Variants in BTAF1 observed in about 807,000 individuals in gnomAD.
BTAF1 encodes TATA-binding protein-associated factor 172.
BTAF1 carries 38 observed loss-of-function variants against 227.1 expected under a neutral mutation model. The ratio of observed to expected loss-of-function variants is 0.17; its 90% CI spans 0.13 to 0.22. The LOEUF (loss-of-function observed/expected upper bound fraction) is 0.22, where lower values mean the gene tolerates loss of function less well. BTAF1 is among the 10% of genes least tolerant of loss of function. The pLI, the probability that BTAF1 is intolerant of heterozygous loss-of-function variation, is 1.00. For synonymous variants in BTAF1, 742 were observed against 751.9 expected (o/e 0.99, Z 0.21); for missense variants, 1,598 against 2,204.0 (o/e 0.73, Z 5.51).
intron 25 of BTAF1, among the ~76,000 whole-genome samples, chr10:92,004,806 A>T (rs1164799123): frequency 6.6e-6 from 1 of 152,188 alleles, no homozygotes; most frequent in Non-Finnish European, 1.5e-5. Flanking sequence ...TTTTGGAGTC[A>T]TATCCAAAAA....
chr10:91,999,717 G>T (rs892078832), intron 25 of BTAF1, among the ~76,000 whole-genome samples: 2 of 152,124 alleles, frequency 1.3e-5, no homozygotes, highest in African/African-American at 4.8e-5. Flanking sequence ...ATTTATAGTA[G>T]TCTGAAACTG....
rs564597136 is a variant in BTAF1 at position 92,011,161 on chromosome 10, AT to A, written c.4181+21del. 8,008 of 1,462,328 alleles carry A rather than the reference AT, an allele frequency of 5.5e-3. 22 individuals carry two copies. The highest frequency in any genetic ancestry group is 0.014 in the Middle Eastern group (74 of 5,170). The allele number at this position is 1,462,328 out of a possible 1,614,324, so 90.6% of individuals were successfully genotyped here. A position where few individuals can be genotyped will look rare whatever the true frequency, so the allele number is the denominator to read the frequency against. On this transcript the variant is annotated intron_variant, in intron 29 of 37. Coordinates refer to ENST00000265990, the MANE Select transcript of BTAF1 (RefSeq NM_003972.3). ...CATAGATTTCTTTAGGTAAGAATTA[AT>A]TTTTTTTTTAGAAAAATTAATATCA...
chr10:91,989,667 C>A lies in BTAF1; in HGVS notation c.2854+87C>A, dbSNP rs1589891122. ...TTATGGGTATAATTTAAGCACAAATCCAGTTCATGTTAGTGTTTTTTCCCA... is the reference window on the plus strand; with the variant it reads ...TTATGGGTATAATTTAAGCACAAATACAGTTCATGTTAGTGTTTTTTCCCA... On this transcript the variant is annotated intron_variant, in intron 20 of 37. Transcript: ENST00000265990. 9 of 1,242,806 alleles carry A rather than the reference C, an allele frequency of 7.2e-6. No homozygotes were observed. The Admixed American group carries it at 2.2e-4, about 31-fold the overall frequency. The allele number at this position is 1,242,806 out of a possible 1,614,324, so 77.0% of individuals were successfully genotyped here. A position where few individuals can be genotyped will look rare whatever the true frequency, so the allele number is the denominator to read the frequency against.
chr10:91,950,159 G>GC (rs1845665636), intron 4 of BTAF1, among the ~76,000 whole-genome samples: 2 of 16,138 alleles, frequency 1.2e-4, no homozygotes, highest in African/African-American at 4.1e-4. Flanking sequence ...GGGGGGGGGC[G>GC]GGAAAGAAGA....
In BTAF1 at chr10:91,993,694, G is replaced by A. The variant is rs1027715131; in HGVS notation, c.3046G>A (p.Ala1016Thr). The A allele has an allele frequency of 6.8e-7, 1 of 1,478,550 alleles. No individual in the cohort carries two copies. 91.6% of individuals were successfully genotyped at this position (1,478,550 alleles called of 1,614,324 possible). A position where few individuals can be genotyped will look rare whatever the true frequency, so the allele number is the denominator to read the frequency against. The change falls in exon 22 of 38, where the codon GCC becomes ACC. Residue 1016 changes from alanine to threonine, a missense_variant and splice_region_variant. By Grantham distance (58) the Ala-to-Thr change is moderately conservative (BLOSUM62 0). Around this residue, in one of 10 missense-constraint regions of BTAF1, gnomAD observed 425 missense variants for 491.2 expected, o/e 0.87. Coordinates refer to ENST00000265990, the MANE Select transcript of BTAF1 (RefSeq NM_003972.3). ...TTTTTATCTAACATTTAATTTTAAGGCCCAGAAGCCTTACCTGGTACAACG... is the reference window on the plus strand; with the variant it reads ...TTTTTATCTAACATTTAATTTTAAGACCCAGAAGCCTTACCTGGTACAACG... ...SGNILVELDE[A>T]QKPYLVQRRG...
At chr10:91,973,595 T>C (rs1298464085) in intron 14 of BTAF1, among the ~76,000 whole-genome samples, 2 of 152,108 alleles carry the variant, frequency 1.3e-5, no homozygotes, top group South Asian at 2.1e-4. Flanking sequence ...ATGAGAGAAC[T>C]GATAATCAAA....
intron 16 of BTAF1, 90 bp from the exon 17 acceptor site, chr10:91,981,993 G>A (rs775400238): frequency 2.3e-4 from 334 of 1,437,854 alleles, no homozygotes; most frequent in Non-Finnish European, 2.3e-4. Flanking sequence ...GTATTTTACT[G>A]GGATTATTTT....
At position 91,954,528 on chromosome 10, in the gene BTAF1, G is replaced by C. The variant is rs144378734; in HGVS notation, c.701+655G>C. Among the ~76,000 whole-genome samples, 9 of 151,540 alleles carry C rather than the reference G, an allele frequency of 5.9e-5. No homozygotes were observed. In the East Asian group the frequency reaches 1.7e-3, roughly 29 times the overall value. Reference sequence around the variant, plus strand: ...AAACTATTTCCTTCAGGTGCTCTTCGAGGACCTTGTAAAAAAAAAATGCTG... The same window carrying C: ...AAACTATTTCCTTCAGGTGCTCTTCCAGGACCTTGTAAAAAAAAAATGCTG... On this transcript the variant is annotated intron_variant, in intron 6 of 37. Coordinates refer to ENST00000265990, the MANE Select transcript of BTAF1 (RefSeq NM_003972.3).
chr10:91,933,289 G>A (rs762808935), intron 1 of BTAF1, among the ~76,000 whole-genome samples: 18 of 152,202 alleles, frequency 1.2e-4, no homozygotes, highest in Non-Finnish European at 2.2e-4. Context: ...ATTCGGGGGC[G>A]TTTTAGGAAG....
rs746710558 is a variant in BTAF1, at chr10:91,997,692, A to G, written c.3601A>G (p.Ser1201Gly). ...AGGAAGAATGAGTGATCAGACAGAC[A>G]GTGTGAGATTCATGGCCACGCAGTG... ...VLGRMSDQTD[S>G]VRFMATQCFA... is the part of the protein sequence containing the mutation. Residue 1201 changes from serine (S) to glycine (G), a missense_variant, in exon 25 of 38, where the codon AGT becomes GGT. Physicochemically the swap from Ser to Gly is moderately conservative, Grantham distance 56. Transcript: ENST00000265990. 1.7e-5 allele frequency: 28 copies of G among 1,614,098 alleles called. No homozygotes were observed. Among genetic ancestry groups the G allele is most frequent in the Non-Finnish European group, 2.3e-5 (27 of 1,179,990 alleles).
At chr10:91,950,567 TTC>T (rs1033965132) in intron 4 of BTAF1, among the ~76,000 whole-genome samples, 12 of 152,264 alleles carry the variant, frequency 7.9e-5, no homozygotes, top group Middle Eastern at 3.4e-3. Context: ...CTTTGGTATG[TTC>T]TGTTTTGTCT....
In BTAF1 at chr10:91,980,314, T is replaced by C; in HGVS notation, c.1651-140T>C. On this transcript the variant is annotated intron_variant, in intron 14 of 37. Coordinates refer to ENST00000265990, the MANE Select transcript of BTAF1 (RefSeq NM_003972.3). ...TTGTTGCCTCAAAATCTTGTCAAAG[T>C]TTATCACCTGTTTAGCCTTTTTAAT... 6 of 598,572 alleles carry C rather than the reference T, an allele frequency of 1.0e-5. No individual in the cohort carries two copies. In the South Asian group the frequency reaches 1.4e-4, roughly 14 times the overall value. 37.1% of individuals were successfully genotyped at this position (598,572 alleles called of 1,614,324 possible).
At chr10:92,014,291 C>T (rs956738918) in intron 32 of BTAF1, among the ~76,000 whole-genome samples, 2 of 152,042 alleles carry the variant, frequency 1.3e-5, no homozygotes, top group Non-Finnish European at 2.9e-5. Flanking sequence ...TGCAGGAGCA[C>T]AGTCATGGCT....
At chr10:92,013,552 T>TA in intron 30 of BTAF1, 115 bp from the exon 31 acceptor site, 1 of 1,342,972 alleles carries the variant, frequency 7.4e-7, no homozygotes, top group Non-Finnish European at 1.0e-6. Flanking sequence ...TGTCTAAAAA[T>TA]ATAGTGATAA....
Position 92,011,073 on chromosome 10 carries a change from G to T in BTAF1, c.4104G>T (p.Arg1368Ser), listed in dbSNP as rs1850260852. The change falls in exon 29 of 38, where the codon AGG becomes AGT. Residue 1368 changes from arginine to serine, a missense_variant and splice_region_variant. By Grantham distance (110) the Arg-to-Ser change is moderately radical. Coordinates refer to ENST00000265990, the MANE Select transcript of BTAF1 (RefSeq NM_003972.3). ...TAATTTTATTCATTTCTAAATAAAG[G>T]TTACAGCACCAAGTAAAAAGGCACA... is the stretch of plus-strand genomic sequence containing the variant. ...HYTGPPTERI[R>S]LQHQVKRHNL... 1.3e-6 allele frequency: 2 copies of T among 1,597,838 alleles called. No individual in the cohort carries two copies. Among genetic ancestry groups the T allele is most frequent in the African/African-American group, 1.3e-5 (1 of 74,222 alleles).
intron 20 of BTAF1, among the ~76,000 whole-genome samples, chr10:91,990,244 G>C (rs895090678): frequency 6.6e-6 from 1 of 152,152 alleles, no homozygotes; most frequent in Non-Finnish European, 1.5e-5. Flanking sequence ...TACAGCTTTG[G>C]TGCAGCATAG....
Position 92,024,943 on chromosome 10 carries a change from G to T in BTAF1, c.5051G>T (p.Gly1684Val). The change falls in exon 35 of 38, where the codon GGT (glycine) becomes GTT (valine). Residue 1684 changes from glycine (G) to valine (V), a missense_variant. Physicochemically the swap from Gly to Val is moderately radical, Grantham distance 109 (BLOSUM62 -3). Transcript: ENST00000265990. ...YLRLDGSIPP[G>V]QRHSIVSRFN... Reference sequence around the variant, plus strand: ...AGATTAGATGGCAGCATACCTCCTGGTCAGAGGCATTCCATTGTTTCCCGG... The same window carrying T: ...AGATTAGATGGCAGCATACCTCCTGTTCAGAGGCATTCCATTGTTTCCCGG... The T allele has an allele frequency of 6.2e-7, 1 of 1,613,928 alleles. No individual in the cohort carries two copies. The highest frequency in any genetic ancestry group is 8.5e-7 in the Non-Finnish European group (1 of 1,179,970).
chr10:91,981,216 T>C (rs76954265), intron 15 of BTAF1, among the ~76,000 whole-genome samples: 9,852 of 152,242 alleles, frequency 0.065, 440 homozygotes, highest in South Asian at 0.11. Flanking sequence ...TCAAAACTTA[T>C]ACTGTTTTAA....
At chr10:92,001,627 C>T (rs1321313212) in intron 25 of BTAF1, among the ~76,000 whole-genome samples, 1 of 151,586 alleles carries the variant, frequency 6.6e-6, no homozygotes, top group Non-Finnish European at 1.5e-5. Flanking sequence ...CTAAATAGTT[C>T]CCAGAAAAAA....
Sources: gnomAD v4.1 joint callset for allele counts (sites outside exome capture counted in the v4.1 genomes callset) on GRCh38, gnomAD v4.1.1 for gene constraint, gnomAD v4.1.1 regional missense constraint, MANE v1.5 for transcripts, NCBI Gene and HGNC (gene_info 2026-07-23, HGNC 2026-07-21) for gene names.